Variants in SH2D1B observed in about 807,000 individuals in gnomAD.
The protein encoded by SH2D1B is SH2 domain-containing protein 1B.
SH2D1B carries 11 observed loss-of-function variants against 16.3 expected under a neutral mutation model. The observed-to-expected ratio is 0.67, with a 90% confidence interval of 0.42 to 1.11. The LOEUF is 1.11. Among genes scored for constraint, SH2D1B ranks in the 50% most tolerant of loss-of-function variants. The pLI, the probability that SH2D1B is intolerant of heterozygous loss-of-function variation, is 0.00. For missense variants in SH2D1B, 123 were observed against 153.1 expected, an observed-to-expected ratio of 0.80 and a Z score of 1.04; for synonymous variants, 55 against 56.1, an observed-to-expected ratio of 0.98 and a Z score of 0.09.
At chr1:162,398,027 A>G (rs987542611) in intron 3 of SH2D1B, among the ~76,000 whole-genome samples, 1 of 152,190 alleles carries the variant, frequency 6.6e-6, no homozygotes, top group East Asian at 1.9e-4. Flanking sequence ...CAGGGACACA[A>G]TGGTAGGGAA....
At position 162,398,942 on chromosome 1, in the gene SH2D1B, A is replaced by C. The variant is rs1214890028; in HGVS notation, c.344T>G (p.Leu115Ter). The C allele has an allele frequency of 2.5e-6, 4 of 1,611,952 alleles. No individual in the cohort carries two copies. The African/African-American group carries it at 5.3e-5, about 22-fold the overall frequency. The change falls in exon 3 of 4, where the codon TTA becomes TGA. Residue 115 changes from leucine to a stop codon, truncating the protein, a stop_gained. Coordinates refer to ENST00000367929, the MANE Select transcript of SH2D1B (RefSeq NM_053282.5). LOFTEE classifies it high-confidence loss of function. ...TTTTACCACAAATGTTTCCAACTCTAATTTCAATCCTCTCCATCTCAAGCT... is the reference window on the plus strand; with the variant it reads ...TTTTACCACAAATGTTTCCAACTCTCATTTCAATCCTCTCCATCTCAAGCT... ...SPSLRWRGLK[L>*]ELETFVNSNS...
chr1:162,405,101 T>A (rs189731901), intron 1 of SH2D1B, among the ~76,000 whole-genome samples: 1 of 152,346 alleles, frequency 6.6e-6, no homozygotes, highest in African/African-American at 2.4e-5. Context: ...AAATGAACTA[T>A]TGCTGCATGC....
chr1:162,397,148 T>G lies in SH2D1B; in HGVS notation c.*132A>C, dbSNP rs1367091001. The G allele has an allele frequency of 3.2e-6, 3 of 948,050 alleles. No homozygotes were observed. The Admixed American group carries it at 6.0e-5, about 19-fold the overall frequency. The allele number at this position is 948,050 out of a possible 1,614,324, so 58.7% of individuals were successfully genotyped here. A position where few individuals can be genotyped will look rare whatever the true frequency, so the allele number is the denominator to read the frequency against. ...CTCTGGTGCTGGTGGGCAGAACATC[T>G]TCAGTTACACAACCAGGAGAGTCTG... On this transcript the variant is annotated 3_prime_UTR_variant, in exon 4 of 4. Transcript: ENST00000367929.
intron 1 of SH2D1B, among the ~76,000 whole-genome samples, chr1:162,403,664 A>G (rs1179628884): frequency 1.4e-5 from 2 of 147,012 alleles, no homozygotes; most frequent in African/African-American, 5.1e-5. Context: ...AAGACATGGA[A>G]TCAACCTAAC....
intron 1 of SH2D1B, 57 bp downstream of exon 1, chr1:162,411,826 C>A: frequency 6.2e-7 from 1 of 1,609,530 alleles, no homozygotes; most frequent in Non-Finnish European, 8.5e-7. Context: ...TACTGTGTGG[C>A]AGCCATTGCC....
chr1:162,411,810 T>C, intron 1 of SH2D1B, 73 bp downstream of exon 1: 3 of 1,596,640 alleles, frequency 1.9e-6, no homozygotes, highest in Middle Eastern at 1.9e-4. Context: ...GGGATATGAA[T>C]TCCTGTACTG....
intron 1 of SH2D1B, among the ~76,000 whole-genome samples, chr1:162,406,561 C>A (rs898446328): frequency 6.6e-6 from 1 of 152,118 alleles, no homozygotes; most frequent in Non-Finnish European, 1.5e-5. Flanking sequence ...AGTGGTGAGA[C>A]TGATATAGTT....
At chr1:162,402,922 TTTC>T in intron 1 of SH2D1B, 120 bp from the exon 2 acceptor site, 12 of 795,416 alleles carry the variant, frequency 1.5e-5, no homozygotes, top group Admixed American at 2.5e-5. Flanking sequence ...TCTTTTTTTT[TTTC>T]TGGGACGGAA....
chr1:162,408,827 G>A (rs1372563829), intron 1 of SH2D1B, among the ~76,000 whole-genome samples: 4 of 152,080 alleles, frequency 2.6e-5, no homozygotes, highest in Non-Finnish European at 5.9e-5. Flanking sequence ...CCCAATATAG[G>A]CTGGGTGCAG....
chr1:162,412,071 T>G lies in SH2D1B; in HGVS notation c.-55A>C. On this transcript the variant is annotated 5_prime_UTR_variant, in exon 1 of 4. Transcript: ENST00000367929. ...TGTTGGCCTGAAATTCACCCCCAAG[T>G]CAAGGGACAGCTCTGAGGAGAGATG... 1 of 1,610,536 alleles carries G rather than the reference T, an allele frequency of 6.2e-7. No homozygotes were observed.
chr1:162,403,501 AAAAAAAAAAAATATATAT>A (rs1230271501), intron 1 of SH2D1B, among the ~76,000 whole-genome samples: 3 of 37,088 alleles, frequency 8.1e-5, no homozygotes, highest in African/African-American at 1.4e-4. Context: ...AAAAAAAAAA[AAAAAAAAAAAATATATAT>A]ATATATATAT....
At chr1:162,403,511 A>AAAAAAAAAAAAAATATATAT (rs1648579325) in intron 1 of SH2D1B, among the ~76,000 whole-genome samples, 1 of 42,042 alleles carries the variant, frequency 2.4e-5, no homozygotes, top group Non-Finnish European at 4.0e-5. Flanking sequence ...AAAAAAAAAA[A>AAAAAAAAAAAAAATATATAT]ATATATATAT....
At chr1:162,397,389 A>C in intron 3 of SH2D1B, 74 bp from the exon 4 acceptor site, 3 of 1,542,858 alleles carry the variant, frequency 1.9e-6, no homozygotes, top group Non-Finnish European at 2.7e-6. Flanking sequence ...AACCCCACTC[A>C]AAGGAAAGAA....
intron 1 of SH2D1B, among the ~76,000 whole-genome samples, chr1:162,403,514 ATATATATAT>A (rs1557911123): frequency 0.047 from 1,067 of 22,550 alleles, 24 homozygotes; most frequent in Non-Finnish European, 0.063. Flanking sequence ...AAAAAAAAAT[ATATATATAT>A]ATATATATAT....
rs1481481053 is a variant in SH2D1B at position 162,402,766 on chromosome 1, T to C, written c.171A>G (p.Arg57=). The change falls in exon 2 of 4, where the codon AGA becomes AGG. Residue 57 remains arginine (R), a synonymous_variant. Transcript: ENST00000367929. ...KNIVYTYRIF[R]EKHGYYRIQT... ...GTATCCTGTAATACCCGTGTTTCTC[T>C]CTGAAGATTCGGTATGTGTAGACAA... The C allele has an allele frequency of 6.2e-7, 1 of 1,614,048 alleles. No homozygotes were observed. Among genetic ancestry groups the C allele is most frequent in the South Asian group, 1.1e-5 (1 of 91,080 alleles).
intron 2 of SH2D1B, among the ~76,000 whole-genome samples, chr1:162,400,780 T>G (rs898493181): frequency 6.6e-6 from 1 of 151,906 alleles, no homozygotes; most frequent in African/African-American, 2.4e-5. Flanking sequence ...AAACTCCGTC[T>G]CTACTAAAAA....
rs1648368653 is a variant in SH2D1B, at chr1:162,396,098, A to C, written c.*1182T>G. 1 of 152,240 alleles carries C rather than the reference A, an allele frequency of 6.6e-6. No individual in the cohort carries two copies. Among genetic ancestry groups the C allele is most frequent in the South Asian group, 2.1e-4 (1 of 4,834 alleles). 9.4% of individuals were successfully genotyped at this position (152,240 alleles called of 1,614,324 possible). ...ATAAATTGCTGTGACCCCAAATCTC[A>C]CAATGCTCCACACTTTGGGGCTCCA... is the stretch of plus-strand genomic sequence containing the variant. On this transcript the variant is annotated 3_prime_UTR_variant, in exon 4 of 4. Coordinates refer to ENST00000367929, the MANE Select transcript of SH2D1B (RefSeq NM_053282.5).
chr1:162,406,430 T>C (rs940034613), intron 1 of SH2D1B, among the ~76,000 whole-genome samples: 8 of 152,162 alleles, frequency 5.3e-5, no homozygotes, highest in Admixed American at 5.2e-4. Flanking sequence ...CCTACAATTA[T>C]GGAGAAAACA....
At chr1:162,410,991 T>C (rs1648781778) in intron 1 of SH2D1B, among the ~76,000 whole-genome samples, 2 of 150,548 alleles carry the variant, frequency 1.3e-5, no homozygotes, top group South Asian at 4.2e-4. Flanking sequence ...AGTCTCACTC[T>C]ATTGCCCAGG....
Sources: allele counts gnomAD v4.1 joint callset (sites outside exome capture counted in the v4.1 genomes callset), GRCh38; gene constraint gnomAD v4.1.1; transcripts MANE v1.5; gene names NCBI Gene and HGNC (gene_info 2026-07-23, HGNC 2026-07-21).